ST6GALNAC3: variants seen among roughly 807,000 people sequenced by gnomAD.
ST6GALNAC3 encodes alpha-N-acetylgalactosaminide alpha-2,6-sialyltransferase 3.
Under a neutral mutation model 32.7 loss-of-function variants are expected in ST6GALNAC3, and 25 were observed. The ratio of observed to expected loss-of-function variants is 0.76; its 90% CI spans 0.56 to 1.07. The LOEUF (loss-of-function observed/expected upper bound fraction) is 1.07. Ranked by LOEUF, ST6GALNAC3 falls within the 50% of genes least tolerant of loss-of-function variation. The probability of loss-of-function intolerance (pLI) is 0.00; values close to 1 mark genes in which losing one functional copy is unlikely to be tolerated. For synonymous variants in ST6GALNAC3, 129 were observed against 133.1 expected (o/e 0.97, Z 0.21); for missense variants, 355 against 382.4 (o/e 0.93, Z 0.60).
At chr1:76,404,825 G>C (rs116083476) in intron 2 of ST6GALNAC3, among the ~76,000 whole-genome samples, 1,950 of 152,166 alleles carry the variant, frequency 0.013, 26 homozygotes, top group African/African-American at 0.044. Flanking sequence ...TGCCAGGAGT[G>C]TCCCATCTCC....
chr1:76,389,621 T>C (rs1355517840), intron 2 of ST6GALNAC3, among the ~76,000 whole-genome samples: 1 of 152,256 alleles, frequency 6.6e-6, no homozygotes, highest in Non-Finnish European at 1.5e-5. Context: ...ACCACAAATA[T>C]GTTTTTAATT....
chr1:76,435,870 T>A (rs78510445), intron 3 of ST6GALNAC3, among the ~76,000 whole-genome samples: 25 of 151,754 alleles, frequency 1.6e-4, no homozygotes, highest in African/African-American at 5.3e-4. Flanking sequence ...TTTTTTTTTT[T>A]AATGTTTTAT....
chr1:76,124,945 A>G (rs1265486124), intron 1 of ST6GALNAC3, among the ~76,000 whole-genome samples: 1 of 152,240 alleles, frequency 6.6e-6, no homozygotes, highest in Non-Finnish European at 1.5e-5. Context: ...AAAAAATGCA[A>G]AATATCCCAT....
At chr1:76,364,038 T>C (rs990140784) in intron 2 of ST6GALNAC3, among the ~76,000 whole-genome samples, 5 of 152,222 alleles carry the variant, frequency 3.3e-5, no homozygotes, top group African/African-American at 1.2e-4. Flanking sequence ...TAGCTTCTTA[T>C]TGTAGATTGT....
chr1:76,539,616 A>G (rs1487698327), intron 3 of ST6GALNAC3, among the ~76,000 whole-genome samples: 3 of 152,142 alleles, frequency 2.0e-5, no homozygotes, highest in African/African-American at 4.8e-5. Context: ...CAGTCTACCC[A>G]TCTGACAAAG....
At chr1:76,594,022 C>T (rs761280081) in intron 3 of ST6GALNAC3, among the ~76,000 whole-genome samples, 1 of 152,036 alleles carries the variant, frequency 6.6e-6, no homozygotes, top group Non-Finnish European at 1.5e-5. Context: ...TTGTGCTGCC[C>T]CTTCTCCCCT....
intron 1 of ST6GALNAC3, among the ~76,000 whole-genome samples, chr1:76,156,707 C>T (rs768738983): frequency 6.6e-6 from 1 of 152,112 alleles, no homozygotes; most frequent in Non-Finnish European, 1.5e-5. Context: ...CTGCCCTAGT[C>T]CTTGAATCAG....
chr1:76,580,763 C>T (rs1287285500), intron 3 of ST6GALNAC3, among the ~76,000 whole-genome samples: 1 of 152,096 alleles, frequency 6.6e-6, no homozygotes, highest in Non-Finnish European at 1.5e-5. Context: ...AGATATGGTG[C>T]CATGAAACAG....
At chr1:76,636,029 T>C (rs1371227973), downstream of ST6GALNAC3, among the ~76,000 whole-genome samples, 1 of 152,232 alleles carries the variant, frequency 6.6e-6, no homozygotes, top group Non-Finnish European at 1.5e-5. Flanking sequence ...TGCAACTCTA[T>C]GGGTGAGTTG....
intron 1 of ST6GALNAC3, among the ~76,000 whole-genome samples, chr1:76,079,758 G>A (rs1646866154): frequency 6.6e-6 from 1 of 152,088 alleles, no homozygotes; most frequent in Non-Finnish European, 1.5e-5. Context: ...CTTCTCCACA[G>A]TGCATCAGTT....
rs1050250453 is a variant in ST6GALNAC3 at position 76,509,069 on chromosome 1, G to C, written c.623+96652G>C. On this transcript the variant is annotated intron_variant, in intron 3 of 4. Transcript: ENST00000328299. This position sits in a 1 kb window ranked among gnomAD's most constrained non-coding sequence, Gnocchi z 5.5. Reference sequence around the variant, plus strand: ...ACAGCTTGTCATTTTTCAACTCGTCGATAAATGGGAATGGAATTATTTATT... The same window carrying C: ...ACAGCTTGTCATTTTTCAACTCGTCCATAAATGGGAATGGAATTATTTATT... Among the ~76,000 whole-genome samples, 2 of 152,142 alleles carry C rather than the reference G, an allele frequency of 1.3e-5. No individual in the cohort carries two copies. Among genetic ancestry groups the C allele is most frequent in the Non-Finnish European group, 2.9e-5 (2 of 68,038 alleles).
intron 3 of ST6GALNAC3, among the ~76,000 whole-genome samples, chr1:76,521,119 G>C (rs1662505338): frequency 1.3e-5 from 2 of 151,748 alleles, no homozygotes; most frequent in Non-Finnish European, 2.9e-5. Context: ...TCTTATTACA[G>C]CTTAATTCAA....
At chr1:76,312,523 C>T (rs998062803) in intron 1 of ST6GALNAC3, among the ~76,000 whole-genome samples, 8 of 151,618 alleles carry the variant, frequency 5.3e-5, no homozygotes, top group Non-Finnish European at 1.0e-4. Flanking sequence ...GCAATCTATC[C>T]GTTTGACAAA....
At chr1:76,074,968 G>T (rs1646792734) in intron 1 of ST6GALNAC3, 84 bp downstream of exon 1, 2 of 1,498,676 alleles carry the variant, frequency 1.3e-6, no homozygotes, top group African/African-American at 2.8e-5. Flanking sequence ...CGGTCCCACC[G>T]CATCCTCATC....
In ST6GALNAC3 at chr1:76,309,246, G is replaced by A. The variant is rs903008161; in HGVS notation, c.19-4559G>A. Among the ~76,000 whole-genome samples the A allele has an allele frequency of 3.3e-5, 5 of 152,270 alleles. No individual in the cohort carries two copies. The East Asian group carries it at 9.7e-4, about 29-fold the overall frequency. On this transcript the variant is annotated intron_variant, in intron 1 of 4. Coordinates refer to ENST00000328299, the MANE Select transcript of ST6GALNAC3 (RefSeq NM_152996.4). ...CAAGTTGTGACTCTTTGGAAGCATG[G>A]TGTGTCTTTTATGGTTTTATTTCGG...
chr1:76,425,719 A>G (rs1655332588), intron 3 of ST6GALNAC3, among the ~76,000 whole-genome samples: 1 of 151,986 alleles, frequency 6.6e-6, no homozygotes, highest in Admixed American at 6.6e-5. Context: ...TTGCCGAGAG[A>G]GACCAAATCT....
chr1:76,246,242 T>C (rs1025953325), intron 1 of ST6GALNAC3, among the ~76,000 whole-genome samples: 18 of 152,200 alleles, frequency 1.2e-4, no homozygotes, highest in Non-Finnish European at 7.3e-5. Flanking sequence ...CTGCTTTTTT[T>C]TGGGCTTTCC....
chr1:76,239,678 C>T (rs527628428), intron 1 of ST6GALNAC3, among the ~76,000 whole-genome samples: 4 of 152,292 alleles, frequency 2.6e-5, no homozygotes, highest in African/African-American at 7.2e-5. Flanking sequence ...CCCCGTGACC[C>T]AGCACCTCCC....
intron 3 of ST6GALNAC3, among the ~76,000 whole-genome samples, chr1:76,448,364 ACTTGT>A (rs1477901855): frequency 1.3e-5 from 2 of 152,172 alleles, no homozygotes; most frequent in African/African-American, 4.8e-5. Context: ...GGCAGAAGGG[ACTTGT>A]CTTGTCTCAC....
Sources: gnomAD v4.1 joint callset for allele counts (sites outside exome capture counted in the v4.1 genomes callset) on GRCh38, gnomAD v4.1.1 for gene constraint, Gnocchi (gnomAD v3.1) non-coding constraint, MANE v1.5 for transcripts, NCBI Gene and HGNC (gene_info 2026-07-23, HGNC 2026-07-21) for gene names.